ADGRL2: variants seen among roughly 807,000 people sequenced by gnomAD.
The protein encoded by ADGRL2 is calcium-independent alpha-latrotoxin receptor 2.
In ADGRL2, 44 loss-of-function variants were observed where a neutral mutation model predicts 157.4. The observed-to-expected ratio is 0.28, with a 90% CI of 0.22 to 0.36. The LOEUF (loss-of-function observed/expected upper bound fraction) is 0.36. Among genes scored for constraint, ADGRL2 ranks in the 10% least tolerant of loss-of-function variants. The pLI, the probability that ADGRL2 is intolerant of heterozygous loss-of-function variation, is 1.00. For missense variants in ADGRL2, 1,510 were observed against 1,768.9 expected, an observed-to-expected ratio of 0.85 and a Z score of 2.63; for synonymous variants, 585 against 624.7, an observed-to-expected ratio of 0.94 and a Z score of 0.95.
intron 2 of ADGRL2, among the ~76,000 whole-genome samples, chr1:81,768,286 G>A (rs2086215854): frequency 6.6e-6 from 1 of 151,778 alleles, no homozygotes; most frequent in African/African-American, 2.4e-5. Context: ...GGCCTCAAGC[G>A]GTACTCCCAG....
chr1:81,406,301 G>C (rs896845967), intron 1 of ADGRL2, among the ~76,000 whole-genome samples: 5 of 152,198 alleles, frequency 3.3e-5, no homozygotes, highest in African/African-American at 1.2e-4. Context: ...GATAAGGCGT[G>C]AACTGAGTGA....
At chr1:81,826,782 A>AT (rs1191035624) in intron 1 of ADGRL2, among the ~76,000 whole-genome samples, 11 of 152,172 alleles carry the variant, frequency 7.2e-5, no homozygotes, top group African/African-American at 2.7e-4. Context: ...ACATTTTAAA[A>AT]TTTCATTTAC....
At chr1:81,619,309 C>A in intron 3 of ADGRL2, among the ~76,000 whole-genome samples, 1 of 151,552 alleles carries the variant, frequency 6.6e-6, no homozygotes, top group African/African-American at 2.4e-5. Flanking sequence ...GCCTTCAAAC[C>A]ACCTGCCGTG....
chr1:81,947,067 T>C (rs2149012895), intron 6 of ADGRL2, among the ~76,000 whole-genome samples: 1 of 152,308 alleles, frequency 6.6e-6, no homozygotes, highest in Middle Eastern at 3.4e-3. Context: ...TTCTTAGGTA[T>C]TTTGTTTCTA....
rs566362008 is a variant in ADGRL2 at position 81,465,061 on chromosome 1, A to G, written c.-248+19972A>G. On this transcript the variant is annotated intron_variant, in intron 2 of 24. Coordinates refer to the ADGRL2 transcript ENST00000370721. ...CTGTTGGTGGCATTGTCCAAGTGAT[A>G]CTGTGTTGTCGGTGGTCACATATTT... is the stretch of plus-strand genomic sequence containing the variant. Among the ~76,000 whole-genome samples, 282 of 152,188 alleles carry G rather than the reference A, an allele frequency of 1.9e-3. 2 individuals carry two copies. The South Asian group carries it at 0.027, about 15-fold the overall frequency.
chr1:81,646,973 AAAC>A (rs1336931036), intron 3 of ADGRL2, among the ~76,000 whole-genome samples: 1 of 152,234 alleles, frequency 6.6e-6, no homozygotes, highest in Non-Finnish European at 1.5e-5. Context: ...TCAACAAACA[AAAC>A]AACATTTTGA....
At chr1:81,573,996 G>A (rs966318339) in intron 2 of ADGRL2, among the ~76,000 whole-genome samples, 4 of 152,116 alleles carry the variant, frequency 2.6e-5, no homozygotes, top group East Asian at 1.9e-4. Context: ...TATTCCTGGG[G>A]CGTCTGCTTC....
At chr1:81,527,239 T>C (rs1385864907) in intron 2 of ADGRL2, among the ~76,000 whole-genome samples, 2 of 152,218 alleles carry the variant, frequency 1.3e-5, no homozygotes, top group Non-Finnish European at 2.9e-5. Flanking sequence ...ATAGACTTCC[T>C]CAACCAGTTT....
At chr1:81,614,337 T>C (rs1328775859) in intron 3 of ADGRL2, among the ~76,000 whole-genome samples, 1 of 152,204 alleles carries the variant, frequency 6.6e-6, no homozygotes, top group Admixed American at 6.5e-5. Context: ...CTCTCTGTTC[T>C]TGCTCACTGT....
At chr1:81,487,309 C>T (rs955785194) in intron 2 of ADGRL2, among the ~76,000 whole-genome samples, 1 of 151,738 alleles carries the variant, frequency 6.6e-6, no homozygotes, top group African/African-American at 2.4e-5. Flanking sequence ...CCAAATCACA[C>T]CTGAAATTTG....
chr1:81,463,114 C>CAAAA (rs56920139), intron 2 of ADGRL2, among the ~76,000 whole-genome samples: 8 of 93,722 alleles, frequency 8.5e-5, no homozygotes, highest in Admixed American at 2.3e-4. Flanking sequence ...GACCATGTCT[C>CAAAA]AAAAAAAAAA....
At chr1:81,601,739 A>G (rs541832585) in intron 3 of ADGRL2, among the ~76,000 whole-genome samples, 4 of 152,294 alleles carry the variant, frequency 2.6e-5, no homozygotes, top group Middle Eastern at 3.4e-3. Flanking sequence ...TTTCCCTCAG[A>G]TGTTTTCTCG....
intron 1 of ADGRL2, among the ~76,000 whole-genome samples, chr1:81,404,185 C>T (rs1416467710): frequency 6.6e-6 from 1 of 152,134 alleles, no homozygotes; most frequent in Non-Finnish European, 1.5e-5. Context: ...AGCTGTAACA[C>T]CGGAATCAGA....
intron 1 of ADGRL2, among the ~76,000 whole-genome samples, chr1:81,435,792 G>A (rs1324259278): frequency 2.0e-5 from 3 of 152,098 alleles, no homozygotes; most frequent in Non-Finnish European, 4.4e-5. Context: ...AAAGAATGAT[G>A]AATAAAAAAT....
chr1:81,938,575 T>G (rs1436428442), intron 4 of ADGRL2, among the ~76,000 whole-genome samples: 12 of 151,704 alleles, frequency 7.9e-5, no homozygotes, highest in Non-Finnish European at 1.8e-4. Context: ...CCTTTTAGTT[T>G]TTGTCTTTTA....
chr1:81,694,491 T>A (rs1414797412), intron 3 of ADGRL2, among the ~76,000 whole-genome samples: 1 of 151,940 alleles, frequency 6.6e-6, no homozygotes, highest in South Asian at 2.1e-4. Context: ...TAATCTAGTA[T>A]AAGCCCGTAC....
intron 1 of ADGRL2, among the ~76,000 whole-genome samples, chr1:81,801,476 G>A (rs2088122397): frequency 6.6e-6 from 1 of 152,180 alleles, no homozygotes; most frequent in African/African-American, 2.4e-5. Context: ...CAGAGGTGCT[G>A]GGGCGAAATC....
At chr1:81,890,822 T>C (rs967780402) in intron 2 of ADGRL2, among the ~76,000 whole-genome samples, 3 of 152,152 alleles carry the variant, frequency 2.0e-5, no homozygotes, top group African/African-American at 7.2e-5. Context: ...GAAATCTTGA[T>C]ATCTTCTCTT....
chr1:81,363,728 T>C (rs553763219), intron 1 of ADGRL2, among the ~76,000 whole-genome samples: 1 of 152,278 alleles, frequency 6.6e-6, no homozygotes, highest in South Asian at 2.1e-4. Context: ...TTTTTCCTAA[T>C]AAAGAAAGGG....
Sources: gnomAD v4.1 joint callset for allele counts (sites outside exome capture counted in the v4.1 genomes callset) on GRCh38, gnomAD v4.1.1 for gene constraint, MANE v1.5 for transcripts, NCBI Gene and HGNC (gene_info 2026-07-23, HGNC 2026-07-21) for gene names.